Variants in THSD7B observed in about 807,000 individuals in gnomAD.
THSD7B encodes the protein thrombospondin type-1 domain-containing protein 7B.
THSD7B carries 138 observed loss-of-function variants against 213.6 expected under a neutral mutation model. The ratio of observed to expected loss-of-function variants is 0.65; its 90% confidence interval spans 0.56 to 0.74. The LOEUF is 0.74. Among genes scored for constraint, THSD7B ranks in the 30% least tolerant of loss-of-function variants. The probability of loss-of-function intolerance (pLI) is 0.00; values close to 1 mark genes in which losing one functional copy is unlikely to be tolerated. For missense variants in THSD7B, 1,931 were observed against 1,991.5 expected, an observed-to-expected ratio of 0.97 and a Z score of 0.58; for synonymous variants, 742 against 687.0, an observed-to-expected ratio of 1.08 and a Z score of -1.25.
At chr2:136,998,941 C>T (rs920920886) in intron 2 of THSD7B, among the ~76,000 whole-genome samples, 1 of 151,642 alleles carries the variant, frequency 6.6e-6, no homozygotes, top group African/African-American at 2.4e-5. Flanking sequence ...CACACACACA[C>T]ACACACACAC....
intron 1 of THSD7B, among the ~76,000 whole-genome samples, chr2:136,831,318 CTT>C (rs2104947390): frequency 6.6e-6 from 1 of 152,158 alleles, no homozygotes; most frequent in East Asian, 1.9e-4. Flanking sequence ...TCCTTCATCT[CTT>C]TATTTGACCC....
chr2:136,804,974 G>A (rs1682256863), intron 1 of THSD7B, among the ~76,000 whole-genome samples: 1 of 152,090 alleles, frequency 6.6e-6, no homozygotes, highest in Admixed American at 6.6e-5. Flanking sequence ...GTCCCTTTCT[G>A]GGGTGATGGC....
intron 1 of THSD7B, among the ~76,000 whole-genome samples, chr2:136,868,135 C>T (rs960451522): frequency 6.6e-6 from 1 of 151,948 alleles, no homozygotes; most frequent in African/African-American, 2.4e-5. Context: ...CACACACACA[C>T]ACACACATCC....
chr2:137,206,956 G>A (rs1441486851), intron 7 of THSD7B, among the ~76,000 whole-genome samples: 9 of 152,044 alleles, frequency 5.9e-5, no homozygotes, highest in Non-Finnish European at 1.3e-4. Flanking sequence ...GTGGGATTTC[G>A]AAGAAAGGGT....
intron 14 of THSD7B, among the ~76,000 whole-genome samples, chr2:137,420,959 ATGGCCTCTTCCTGTGTCTTTAAATCCGG>A (rs1392462185): frequency 4.6e-5 from 7 of 152,100 alleles, no homozygotes; most frequent in South Asian, 2.1e-4. Context: ...TCCTTGGCTC[ATGGCCTCTTCCTGTGTCTTTAAATCCGG>A]TGGCATAGCA....
chr2:137,397,430 GT>G (rs1686222201), intron 12 of THSD7B, among the ~76,000 whole-genome samples: 1 of 151,992 alleles, frequency 6.6e-6, no homozygotes, highest in African/African-American at 2.4e-5. Context: ...AGGAAGCTTA[GT>G]TTGGCTGGAT....
At chr2:137,649,637 T>G (rs555757318) in intron 21 of THSD7B, among the ~76,000 whole-genome samples, 1 of 152,226 alleles carries the variant, frequency 6.6e-6, no homozygotes. Context: ...TTATCATGCA[T>G]ATAAGTCTGA....
chr2:137,097,770 A>ACG (rs768504110), intron 4 of THSD7B, among the ~76,000 whole-genome samples: 1 of 658 alleles, frequency 1.5e-3, no homozygotes, highest in Non-Finnish European at 7.9e-3. Context: ...GCTAAGTTTG[A>ACG]CACACACACA....
At chr2:137,362,574 G>A (rs555775782) in intron 12 of THSD7B, among the ~76,000 whole-genome samples, 1 of 152,114 alleles carries the variant, frequency 6.6e-6, no homozygotes, top group South Asian at 2.1e-4. Context: ...AAAAAAGCAG[G>A]GGTTGCAATC....
At chr2:137,448,705 C>T (rs998453449) in intron 14 of THSD7B, among the ~76,000 whole-genome samples, 1 of 151,768 alleles carries the variant, frequency 6.6e-6, no homozygotes, top group Non-Finnish European at 1.5e-5. Context: ...AGGCTGAGGC[C>T]GGAGAATGGC....
intron 17 of THSD7B, among the ~76,000 whole-genome samples, chr2:137,591,809 T>C (rs1681871358): frequency 6.6e-6 from 1 of 151,956 alleles, no homozygotes; most frequent in Admixed American, 6.6e-5. Flanking sequence ...GTTTATATAA[T>C]GTTCGGCTGA....
intron 2 of THSD7B, among the ~76,000 whole-genome samples, chr2:136,972,350 A>G (rs1437828091): frequency 6.6e-6 from 1 of 152,208 alleles, no homozygotes; most frequent in Non-Finnish European, 1.5e-5. Context: ...CAGCAGAGAT[A>G]AAAGCAAAAG....
intron 15 of THSD7B, among the ~76,000 whole-genome samples, chr2:137,489,859 T>G (rs1688565973): frequency 6.6e-6 from 1 of 152,222 alleles, no homozygotes; most frequent in Non-Finnish European, 1.5e-5. Context: ...TACTGTCTTT[T>G]TCCCACATCT....
At chr2:137,300,788 A>G (rs1216419391) in intron 12 of THSD7B, among the ~76,000 whole-genome samples, 1 of 152,170 alleles carries the variant, frequency 6.6e-6, no homozygotes, top group African/African-American at 2.4e-5. Flanking sequence ...ATGCTGGAAT[A>G]TAGGACAAGA....
chr2:137,394,220 T>A (rs74651620), intron 12 of THSD7B, among the ~76,000 whole-genome samples: 88,304 of 99,462 alleles, frequency 0.89, 41,587 homozygotes, highest in Non-Finnish European at 0.99. Flanking sequence ...GGTGTTTTGG[T>A]CATGAAGTCC....
intron 15 of THSD7B, among the ~76,000 whole-genome samples, chr2:137,532,549 T>C (rs1000343800): frequency 6.6e-6 from 1 of 151,830 alleles, no homozygotes; most frequent in African/African-American, 2.4e-5. Context: ...AAGATTTCCG[T>C]ATTATAGAGT....
chr2:137,219,481 G>T (rs936117085), intron 7 of THSD7B, among the ~76,000 whole-genome samples: 1 of 152,062 alleles, frequency 6.6e-6, no homozygotes, highest in African/African-American at 2.4e-5. Context: ...AACAGAAGAG[G>T]TTACCAACCA....
At chr2:137,506,000 C>T (rs1428636390) in intron 15 of THSD7B, among the ~76,000 whole-genome samples, 2 of 152,042 alleles carry the variant, frequency 1.3e-5, no homozygotes, top group African/African-American at 4.8e-5. Flanking sequence ...TGTGTAGGAG[C>T]TTGTAAAGGA....
At chr2:137,065,463 T>C (rs1030544255) in intron 3 of THSD7B, among the ~76,000 whole-genome samples, 1 of 152,080 alleles carries the variant, frequency 6.6e-6, no homozygotes, top group Non-Finnish European at 1.5e-5. Flanking sequence ...ATTTGACTTC[T>C]TCCTTTCCAG....
Sources: allele counts gnomAD v4.1 joint callset (sites outside exome capture counted in the v4.1 genomes callset), GRCh38; gene constraint gnomAD v4.1.1; transcripts MANE v1.5; gene names NCBI Gene and HGNC (gene_info 2026-07-23, HGNC 2026-07-21).